The following PPFIA2 variants were observed in gnomAD, a reference collection of about 807,000 sequenced individuals.
The protein encoded by PPFIA2 is liprin-alpha-2.
PPFIA2 carries 46 observed loss-of-function variants against 175.5 expected under a neutral mutation model. The ratio of observed to expected loss-of-function variants is 0.26; its 90% confidence interval spans 0.21 to 0.34. The LOEUF (loss-of-function observed/expected upper bound fraction) is 0.34. Ranked by LOEUF, PPFIA2 falls within the 10% of genes least tolerant of loss-of-function variation. The pLI is 1.00. For synonymous variants in PPFIA2, 568 were observed against 511.4 expected, an observed-to-expected ratio of 1.11 and a Z score of -1.49; for missense variants, 1,179 against 1,506.1, an observed-to-expected ratio of 0.78 and a Z score of 3.60.
At chr12:81,523,422 A>G (rs1264666189) in intron 4 of PPFIA2, among the ~76,000 whole-genome samples, 1 of 152,194 alleles carries the variant, frequency 6.6e-6, no homozygotes, top group East Asian at 1.9e-4. Context: ...TTAAAAACAC[A>G]AAAGTATTTC....
chr12:81,501,339 A>C (rs2147406314), intron 4 of PPFIA2, among the ~76,000 whole-genome samples: 1 of 152,266 alleles, frequency 6.6e-6, no homozygotes, highest in Admixed American at 6.6e-5. Flanking sequence ...CTTCTCATCA[A>C]GGCATTCTCT....
rs772079570 is a variant in PPFIA2 at position 81,347,491 on chromosome 12, A to G, written c.2232+42T>C. ...TTAAGTTTTAGCTAAAGCATCATTA[A>G]TCTTAACAGGAGGCAAAGGTTCTCT... On this transcript the variant is annotated intron_variant, in intron 18 of 32. Coordinates refer to ENST00000549396, the MANE Select transcript of PPFIA2 (RefSeq NM_003625.5). 18 of 1,499,524 alleles carry G rather than the reference A, an allele frequency of 1.2e-5. No individual in the cohort carries two copies. In the African/African-American group the frequency reaches 1.2e-4, roughly 10 times the overall value. 92.9% of individuals were successfully genotyped at this position (1,499,524 alleles called of 1,614,324 possible).
At chr12:81,730,199 T>G (rs1275632977) in intron 3 of PPFIA2, among the ~76,000 whole-genome samples, 1 of 151,692 alleles carries the variant, frequency 6.6e-6, no homozygotes, top group African/African-American at 2.4e-5. Context: ...TGCTCCTATT[T>G]TGAATATACC....
intron 4 of PPFIA2, among the ~76,000 whole-genome samples, chr12:81,486,986 A>G (rs1460124032): frequency 6.6e-6 from 1 of 151,942 alleles, no homozygotes; most frequent in Non-Finnish European, 1.5e-5. Context: ...TTCTTTTAAA[A>G]ATACATTAAT....
At chr12:81,696,966 T>C (rs1300145647) in intron 3 of PPFIA2, among the ~76,000 whole-genome samples, 2 of 152,062 alleles carry the variant, frequency 1.3e-5, no homozygotes, top group Non-Finnish European at 2.9e-5. Context: ...TAGGTTTTTT[T>C]GACATGTGAA....
Position 81,353,105 on chromosome 12 carries a change from C to G in PPFIA2, c.1994+14G>C, listed in dbSNP as rs370149112. Reference sequence around the variant, plus strand: ...TTCTAATTTCTTGAAATCATCAGTACTAATTGAAGTTACCTGATTTCTTTG... The same window carrying G: ...TTCTAATTTCTTGAAATCATCAGTAGTAATTGAAGTTACCTGATTTCTTTG... On this transcript the variant is annotated intron_variant, in intron 17 of 32. Transcript: ENST00000549396. The G allele has an allele frequency of 8.7e-6, 14 of 1,606,548 alleles. No individual in the cohort carries two copies. The highest frequency in any genetic ancestry group is 1.1e-5 in the Non-Finnish European group (13 of 1,173,332).
intron 3 of PPFIA2, among the ~76,000 whole-genome samples, chr12:81,703,083 G>C (rs1005812619): frequency 5.9e-5 from 9 of 152,170 alleles, no homozygotes; most frequent in Middle Eastern, 3.4e-3. Flanking sequence ...CCAGAGTTCA[G>C]TCCACAGACC....
intron 9 of PPFIA2, among the ~76,000 whole-genome samples, chr12:81,377,309 G>A (rs2036588637): frequency 6.6e-6 from 1 of 152,112 alleles, no homozygotes; most frequent in South Asian, 2.1e-4. Flanking sequence ...ATTTTGGGAG[G>A]CCAAGGTGGG....
chr12:81,295,929 G>T (rs763957569), intron 23 of PPFIA2, among the ~76,000 whole-genome samples: 1 of 152,152 alleles, frequency 6.6e-6, no homozygotes, highest in Non-Finnish European at 1.5e-5. Context: ...AGCAGAGGTT[G>T]CAGTGAGCTG....
chr12:81,635,460 T>C (rs931356900), intron 4 of PPFIA2, among the ~76,000 whole-genome samples: 1 of 152,178 alleles, frequency 6.6e-6, no homozygotes, highest in African/African-American at 2.4e-5. Context: ...AAGATCACAG[T>C]AGTGATGGCT....
chr12:81,460,662 T>C (rs2054366029), intron 4 of PPFIA2, among the ~76,000 whole-genome samples: 1 of 152,154 alleles, frequency 6.6e-6, no homozygotes, highest in Non-Finnish European at 1.5e-5. Context: ...TTCTCTTTCC[T>C]ATACCTATTC....
In PPFIA2 at chr12:81,601,989, T is replaced by A. The variant is rs372986114; in HGVS notation, c.303+74802A>T. The stretch of plus-strand genomic sequence containing the variant: ...TTTATTCCTTCAACTTTTTTCCTTT[T>A]CTCCTGCACATAATTTTATTTTACT... On this transcript the variant is annotated intron_variant, in intron 4 of 32. Coordinates refer to ENST00000549396, the MANE Select transcript of PPFIA2 (RefSeq NM_003625.5). Among the ~76,000 whole-genome samples the A allele has an allele frequency of 1.7e-3, 266 of 152,038 alleles. 1 individual carries two copies. The highest frequency in any genetic ancestry group is 6.2e-3 in the African/African-American group (258 of 41,546).
chr12:81,625,154 C>T lies in PPFIA2; in HGVS notation c.303+51637G>A, dbSNP rs567085429. On this transcript the variant is annotated intron_variant, in intron 4 of 32. Coordinates refer to ENST00000549396, the MANE Select transcript of PPFIA2 (RefSeq NM_003625.5). ...ATATGTGTGTATACATATATACACACATATATATATCTGTATGACTACATA... is the reference window on the plus strand; with the variant it reads ...ATATGTGTGTATACATATATACACATATATATATATCTGTATGACTACATA... Among the ~76,000 whole-genome samples, 7 of 151,478 alleles carry T rather than the reference C, an allele frequency of 4.6e-5. No individual in the cohort carries two copies. In the East Asian group the frequency reaches 5.8e-4, roughly 13 times the overall value.
intron 4 of PPFIA2, among the ~76,000 whole-genome samples, chr12:81,637,041 A>G (rs1462247183): frequency 6.6e-6 from 1 of 151,448 alleles, no homozygotes; most frequent in Non-Finnish European, 1.5e-5. Flanking sequence ...TCCTAAGAAC[A>G]CATCTTATAA....
At chr12:81,358,325 A>G in intron 15 of PPFIA2, 108 bp from the exon 16 acceptor site, 2 of 1,061,748 alleles carry the variant, frequency 1.9e-6, no homozygotes, top group Non-Finnish European at 2.7e-6. Flanking sequence ...TCAAGGAAAT[A>G]AACCTCAAGA....
At chr12:81,485,501 G>C (rs186311607) in intron 4 of PPFIA2, among the ~76,000 whole-genome samples, 1 of 151,760 alleles carries the variant, frequency 6.6e-6, no homozygotes, top group Admixed American at 6.6e-5. Context: ...AACTCACTCA[G>C]ATATACAACT....
chr12:81,696,574 T>C (rs923721762), intron 3 of PPFIA2, among the ~76,000 whole-genome samples: 23 of 152,154 alleles, frequency 1.5e-4, no homozygotes, highest in Admixed American at 5.2e-4. Context: ...GTTTAACAAA[T>C]CTGACAATAT....
intron 14 of PPFIA2, among the ~76,000 whole-genome samples, chr12:81,365,080 T>C (rs1013553859): frequency 6.6e-6 from 1 of 151,778 alleles, no homozygotes; most frequent in Admixed American, 6.6e-5. Flanking sequence ...AATTTGGATG[T>C]GCTCAATTTA....
chr12:81,282,410 T>G (rs572977457), intron 26 of PPFIA2, among the ~76,000 whole-genome samples: 3 of 152,106 alleles, frequency 2.0e-5, no homozygotes, highest in Admixed American at 6.6e-5. Context: ...TTTCTTATAT[T>G]GAAAGGTTTC....
Sources: gnomAD v4.1 joint callset for allele counts (sites outside exome capture counted in the v4.1 genomes callset) on GRCh38, gnomAD v4.1.1 for gene constraint, MANE v1.5 for transcripts, NCBI Gene and HGNC (gene_info 2026-07-23, HGNC 2026-07-21) for gene names.